Variants in KIF26B observed in about 807,000 individuals in gnomAD.
KIF26B encodes kinesin-like protein KIF26B.
In KIF26B, 63 loss-of-function variants were observed where a neutral mutation model predicts 151.2. That is an observed-to-expected ratio of 0.42 (90% confidence interval 0.34 to 0.51). The LOEUF is 0.51. Ranked by LOEUF, KIF26B falls within the 20% of genes least tolerant of loss-of-function variation. KIF26B has a pLI of 0.07. For synonymous variants in KIF26B, 1,357 were observed against 1,262.1 expected (o/e 1.08, Z -1.59); for missense variants, 2,813 against 2,913.6 (o/e 0.97, Z 0.79).
chr1:245,540,336 C>T lies in KIF26B; in HGVS notation c.1167-431C>T, dbSNP rs955125918. Among the ~76,000 whole-genome samples the T allele has an allele frequency of 6.6e-6, 1 of 152,198 alleles. No homozygotes were observed. Among genetic ancestry groups the T allele is most frequent in the Middle Eastern group, 3.2e-3 (1 of 316 alleles). On this transcript the variant is annotated intron_variant, in intron 4 of 14. Coordinates refer to ENST00000407071, the MANE Select transcript of KIF26B (RefSeq NM_018012.4). The surrounding 1 kb of genome is among the most constrained non-coding windows in gnomAD (Gnocchi z 4.6). ...CTTGACTGGTCTCCACATCGTTCTT[C>T]ATCAGACTGGTTTGGATTTTACAAG...
intron 4 of KIF26B, among the ~76,000 whole-genome samples, chr1:245,444,426 C>T (rs946558833): frequency 6.6e-6 from 1 of 152,244 alleles, no homozygotes; most frequent in Admixed American, 6.5e-5. Context: ...TGGCGACCTA[C>T]ACCCGCCCCT....
chr1:245,683,487 G>A (rs995105894), intron 10 of KIF26B, among the ~76,000 whole-genome samples: 2 of 152,152 alleles, frequency 1.3e-5, no homozygotes, highest in African/African-American at 4.8e-5. Flanking sequence ...ATTCAAAGAC[G>A]TAGCAACACT....
chr1:245,314,345 G>T (rs1159372249), intron 2 of KIF26B, among the ~76,000 whole-genome samples: 1 of 152,148 alleles, frequency 6.6e-6, no homozygotes, highest in African/African-American at 2.4e-5. Flanking sequence ...CCAGCTACTC[G>T]GGAGGCCGAG....
intron 9 of KIF26B, 129 bp downstream of exon 9, chr1:245,612,105 T>TGTGA (rs764505406): frequency 1.0e-3 from 327 of 311,514 alleles, no homozygotes; most frequent in Admixed American, 3.9e-3. Context: ...TGTGTGTGTG[T>TGTGA]GAGAGAGAGA....
At chr1:245,677,740 C>T (rs1053853529) in intron 10 of KIF26B, among the ~76,000 whole-genome samples, 8 of 152,218 alleles carry the variant, frequency 5.3e-5, no homozygotes, top group Non-Finnish European at 8.8e-5. Flanking sequence ...TCATGGACAG[C>T]GAGATCATCA....
intron 4 of KIF26B, among the ~76,000 whole-genome samples, chr1:245,420,044 C>A (rs557229311): frequency 6.6e-6 from 1 of 152,150 alleles, no homozygotes; most frequent in Non-Finnish European, 1.5e-5. Flanking sequence ...TTGTGAGAGG[C>A]CCCAGGGTCG....
chr1:245,684,425 G>A (rs1012586220), intron 11 of KIF26B, 30 bp downstream of exon 11: 10 of 1,549,706 alleles, frequency 6.5e-6, no homozygotes, highest in Non-Finnish European at 8.7e-6. Context: ...GGGGGGTGGT[G>A]GATGAGGGAG....
Position 245,419,627 on chromosome 1 carries a change from G to A in KIF26B, c.1048G>A (p.Val350Met), listed in dbSNP as rs771142284. The A allele has an allele frequency of 6.2e-7, 1 of 1,613,940 alleles. No homozygotes were observed. Among genetic ancestry groups the A allele is most frequent in the East Asian group, 2.2e-5 (1 of 44,870 alleles). Residue 350 changes from valine to methionine, a missense_variant, in exon 4 of 15, where the codon GTG (valine) becomes ATG (methionine). By Grantham distance (21) the Val-to-Met change is conservative (BLOSUM62 1). Coordinates refer to ENST00000407071, the MANE Select transcript of KIF26B (RefSeq NM_018012.4). ...TAGCCGGGAGGGACTAACAGAAGCA[G>A]TGCTGAACCGCTACAATGCAGACAA... is the stretch of plus-strand genomic sequence containing the variant. ...ESSREGLTEA[V>M]LNRYNADKPS...
Position 245,227,905 on chromosome 1 carries a change from G to A in KIF26B, c.465+71222G>A, listed in dbSNP as rs529656988. Among the ~76,000 whole-genome samples the A allele has an allele frequency of 3.9e-5, 6 of 152,262 alleles. No individual in the cohort carries two copies. The East Asian group carries it at 1.2e-3, about 29-fold the overall frequency. ...TAATCCCAGCTACTTAGGAGGCTGAGGCAGGAGAATCGCTTGAACCCGGGA... is the reference window on the plus strand; with the variant it reads ...TAATCCCAGCTACTTAGGAGGCTGAAGCAGGAGAATCGCTTGAACCCGGGA... On this transcript the variant is annotated intron_variant, in intron 2 of 14. Transcript: ENST00000407071. The surrounding 1 kb of genome is among the most constrained non-coding windows in gnomAD (Gnocchi z 4.1).
At chr1:245,641,814 G>A (rs2043894993) in intron 9 of KIF26B, among the ~76,000 whole-genome samples, 1 of 152,172 alleles carries the variant, frequency 6.6e-6, no homozygotes, top group African/African-American at 2.4e-5. Context: ...TTTAGGGCCA[G>A]TCTTGGTGCC....
chr1:245,444,151 G>A (rs1659192953), intron 4 of KIF26B, among the ~76,000 whole-genome samples: 1 of 147,784 alleles, frequency 6.8e-6, no homozygotes. Flanking sequence ...ACCTAGAGCG[G>A]TCATCTCCCT....
intron 2 of KIF26B, among the ~76,000 whole-genome samples, chr1:245,246,392 T>C (rs1159232407): frequency 6.6e-6 from 1 of 152,212 alleles, no homozygotes; most frequent in East Asian, 1.9e-4. Context: ...AGGTGAATAT[T>C]TAGCTGGTAC....
At chr1:245,178,626 G>A (rs1374605510) in intron 2 of KIF26B, among the ~76,000 whole-genome samples, 1 of 152,130 alleles carries the variant, frequency 6.6e-6, no homozygotes, top group Non-Finnish European at 1.5e-5. Flanking sequence ...AATAACTTTT[G>A]TTATTAAAGT....
At position 245,667,469 on chromosome 1, in the gene KIF26B, G is replaced by A. The variant is rs905529200; in HGVS notation, c.2259-16764G>A. On this transcript the variant is annotated intron_variant, in intron 10 of 14. Coordinates refer to ENST00000407071, the MANE Select transcript of KIF26B (RefSeq NM_018012.4). The surrounding 1 kb of genome is among the most constrained non-coding windows in gnomAD (Gnocchi z 4.3). ...GCTGGGATTACAGGCGTGAGCCACCGTGCCTGGCCTGCTTTGGTTTTATTC... is the reference window on the plus strand; with the variant it reads ...GCTGGGATTACAGGCGTGAGCCACCATGCCTGGCCTGCTTTGGTTTTATTC... 3.0e-4 allele frequency among the ~76,000 whole-genome samples: 46 copies of A among 151,724 alleles called. No individual in the cohort carries two copies. The highest frequency in any genetic ancestry group is 4.0e-4 in the Non-Finnish European group (27 of 67,888).
In KIF26B at chr1:245,602,713, A is replaced by G. The variant is rs61831269; in HGVS notation, c.1487A>G (p.Gln496Arg). 2.3e-3 allele frequency: 3,634 copies of G among 1,614,074 alleles called. 4 individuals are homozygous for G. The highest frequency in any genetic ancestry group is 2.8e-3 in the Non-Finnish European group (3,314 of 1,179,896). ...PLTCGGQNAF[Q>R]KRGNQVPPKM... ...ACTTGTGGAGGTCAAAATGCCTTCC[A>G]AAAGAGAGGCAACCAGGTTCCTCCA... The change falls in exon 6 of 15, where the codon CAA becomes CGA. Residue 496 changes from glutamine (Q) to arginine (R), a missense_variant. Coordinates refer to ENST00000407071, the MANE Select transcript of KIF26B (RefSeq NM_018012.4). The surrounding 1 kb of genome is among the most constrained non-coding windows in gnomAD (Gnocchi z 4.5).
At chr1:245,308,868 C>T (rs1671610110) in intron 2 of KIF26B, among the ~76,000 whole-genome samples, 1 of 152,228 alleles carries the variant, frequency 6.6e-6, no homozygotes, top group Non-Finnish European at 1.5e-5. Context: ...ATGTGGAATA[C>T]ATACCATTAG....
intron 12 of KIF26B, among the ~76,000 whole-genome samples, chr1:245,690,254 G>C (rs904209343): frequency 6.6e-6 from 1 of 152,178 alleles, no homozygotes; most frequent in Non-Finnish European, 1.5e-5. Context: ...CAGGGCGGCC[G>C]GGTTCCTGCC....
intron 4 of KIF26B, among the ~76,000 whole-genome samples, chr1:245,485,385 A>ATT (rs10672221): frequency 0.61 from 86,565 of 142,502 alleles, 27,569 homozygotes; most frequent in Non-Finnish European, 0.71. Context: ...TCCTAGCATC[A>ATT]TTTTTTTTTT....
Position 245,685,514 on chromosome 1 carries a change from C to T in KIF26B, c.2531C>T (p.Pro844Leu), listed in dbSNP as rs2147953665. 2 of 1,613,780 alleles carry T rather than the reference C, an allele frequency of 1.2e-6. No individual in the cohort carries two copies. The highest frequency in any genetic ancestry group is 1.6e-4 in the Middle Eastern group (1 of 6,062). ...AGGGCCACGGTGGACCCTGACTTCC[C>T]CATCGCTCACCTGTCCAGCGACCCC... ...HTRATVDPDF[P>L]IAHLSSDPDY... is the part of the protein sequence containing the mutation. Residue 844 changes from proline to leucine, a missense_variant, in exon 12 of 15, where the codon CCC (proline) becomes CTC (leucine). By Grantham distance (98) the Pro-to-Leu change is moderately conservative. This residue lies in a region of KIF26B where 2,060 missense variants were observed against 2,088.6 expected (regional missense o/e 0.99). Transcript: ENST00000407071.
Sources: allele counts gnomAD v4.1 joint callset (sites outside exome capture counted in the v4.1 genomes callset), GRCh38; gene constraint gnomAD v4.1.1; regional missense constraint gnomAD v4.1.1; non-coding constraint Gnocchi (gnomAD v3.1); transcripts MANE v1.5; gene names NCBI Gene and HGNC (gene_info 2026-07-23, HGNC 2026-07-21).